The following ARHGAP15 variants were observed in gnomAD, a reference collection of about 807,000 sequenced individuals.
The protein encoded by ARHGAP15 is Rho GTPase activating protein 15.
A neutral mutation model predicts 63.7 loss-of-function variants in ARHGAP15; 51 were observed. The ratio of observed to expected loss-of-function variants is 0.80; its 90% CI spans 0.64 to 1.01. The LOEUF (loss-of-function observed/expected upper bound fraction) is 1.01. Among genes scored for constraint, ARHGAP15 ranks in the 50% least tolerant of loss-of-function variants. The pLI is 0.00. For synonymous variants in ARHGAP15, 191 were observed against 193.8 expected (o/e 0.99, Z 0.12); for missense variants, 560 against 564.6 (o/e 0.99, Z 0.08).
chr2:143,708,228 T>C (rs1263856227), intron 13 of ARHGAP15, among the ~76,000 whole-genome samples: 1 of 152,204 alleles, frequency 6.6e-6, no homozygotes, highest in Non-Finnish European at 1.5e-5. Flanking sequence ...TGAAGAGTCT[T>C]GCATAGTACT....
At chr2:143,690,430 G>A (rs1229909297) in intron 12 of ARHGAP15, among the ~76,000 whole-genome samples, 1 of 152,080 alleles carries the variant, frequency 6.6e-6, no homozygotes, top group Non-Finnish European at 1.5e-5. Flanking sequence ...TCTTCCTTGG[G>A]GTGTGACCTC....
intron 2 of ARHGAP15, among the ~76,000 whole-genome samples, chr2:143,192,947 G>C (rs1452253286): frequency 1.3e-5 from 2 of 152,176 alleles, no homozygotes; most frequent in Non-Finnish European, 2.9e-5. Context: ...TCTTCTGACA[G>C]ACTCCAGGTG....
rs1308466584 is a variant in ARHGAP15 at position 143,624,132 on chromosome 2, G to C, written c.1004-1G>C. On this transcript the variant is annotated splice_acceptor_variant, in intron 11 of 13. Transcript: ENST00000295095. LOFTEE classifies it high-confidence loss of function. ...TTCCATTTCTCCTCGTGTTTTCCCAGAAGAGAAGCTGAATTTGGACGACAG... is the reference window on the plus strand; with the variant it reads ...TTCCATTTCTCCTCGTGTTTTCCCACAAGAGAAGCTGAATTTGGACGACAG... 3 of 1,613,154 alleles carry C rather than the reference G, an allele frequency of 1.9e-6. No homozygotes were observed. The highest frequency in any genetic ancestry group is 2.5e-6 in the Non-Finnish European group (3 of 1,179,466).
intron 6 of ARHGAP15, among the ~76,000 whole-genome samples, chr2:143,289,637 G>T (rs1682289170): frequency 6.6e-6 from 1 of 152,138 alleles, no homozygotes; most frequent in Non-Finnish European, 1.5e-5. Flanking sequence ...CCCAGGAATT[G>T]CAATATGCAG....
intron 13 of ARHGAP15, among the ~76,000 whole-genome samples, chr2:143,718,932 C>T (rs988134184): frequency 2.6e-5 from 4 of 152,238 alleles, no homozygotes; most frequent in African/African-American, 9.6e-5. Flanking sequence ...CAATCTCATT[C>T]TTAATCCCCA....
intron 11 of ARHGAP15, among the ~76,000 whole-genome samples, chr2:143,617,833 C>T (rs1035219125): frequency 6.6e-6 from 1 of 152,184 alleles, no homozygotes; most frequent in Non-Finnish European, 1.5e-5. Context: ...ACTTTCTGAG[C>T]ACCTGATGAA....
chr2:143,758,268 A>T (rs1169642616), intron 13 of ARHGAP15, among the ~76,000 whole-genome samples: 1 of 151,420 alleles, frequency 6.6e-6, no homozygotes, highest in Non-Finnish European at 1.5e-5. Context: ...TTATTTATAT[A>T]CAAGTGTGTG....
intron 9 of ARHGAP15, among the ~76,000 whole-genome samples, chr2:143,500,091 AT>A (rs1444905879): frequency 6.6e-6 from 1 of 151,920 alleles, no homozygotes; most frequent in Non-Finnish European, 1.5e-5. Context: ...TCTGTTTATA[AT>A]ACAGCCCTTT....
rs1036053230 is a variant in ARHGAP15 at position 143,134,593 on chromosome 2, G to T, written c.-15+5127G>T. Among the ~76,000 whole-genome samples, 9 of 151,654 alleles carry T rather than the reference G, an allele frequency of 5.9e-5. 2 individuals are homozygous for T. Among genetic ancestry groups the T allele is most frequent in the Admixed American group, 3.3e-4 (5 of 15,248 alleles). ...GGAGTGAGATGTCAAAGGAAGCAAA[G>T]AACTAGAGATAGCATATATGAAATG... On this transcript the variant is annotated intron_variant, in intron 1 of 13. Transcript: ENST00000295095.
At chr2:143,479,190 A>G (rs1393733538) in intron 8 of ARHGAP15, among the ~76,000 whole-genome samples, 3 of 152,248 alleles carry the variant, frequency 2.0e-5, no homozygotes, top group African/African-American at 7.2e-5. Flanking sequence ...TCCATACATC[A>G]GTACTGAAAT....
At chr2:143,266,575 C>G (rs1681008919) in intron 6 of ARHGAP15, among the ~76,000 whole-genome samples, 1 of 152,106 alleles carries the variant, frequency 6.6e-6, no homozygotes, top group Non-Finnish European at 1.5e-5. Flanking sequence ...GTTCACTTAG[C>G]ATATTTAAGT....
intron 1 of ARHGAP15, among the ~76,000 whole-genome samples, chr2:143,145,478 A>C (rs1384526574): frequency 2.0e-5 from 3 of 152,062 alleles, no homozygotes; most frequent in Non-Finnish European, 2.9e-5. Flanking sequence ...ATTGAGCTAG[A>C]CCTGAACAAA....
At chr2:143,475,519 C>T (rs1389258345) in intron 8 of ARHGAP15, among the ~76,000 whole-genome samples, 4 of 152,352 alleles carry the variant, frequency 2.6e-5, no homozygotes, top group Non-Finnish European at 4.4e-5. Flanking sequence ...CTGACATTTC[C>T]GGATATTCGA....
chr2:143,542,736 A>C (rs769951560), intron 10 of ARHGAP15, among the ~76,000 whole-genome samples: 4 of 63,694 alleles, frequency 6.3e-5, no homozygotes, highest in Non-Finnish European at 1.1e-4. Context: ...CACATATATA[A>C]TATATATATG....
chr2:143,453,420 G>A (rs143464146), intron 8 of ARHGAP15, among the ~76,000 whole-genome samples: 1 of 152,056 alleles, frequency 6.6e-6, no homozygotes, highest in African/African-American at 2.4e-5. Flanking sequence ...TTGATTGGAA[G>A]CATAAATTAG....
intron 12 of ARHGAP15, among the ~76,000 whole-genome samples, chr2:143,639,859 T>C (rs1027833321): frequency 2.6e-5 from 4 of 152,116 alleles, no homozygotes; most frequent in African/African-American, 9.7e-5. Context: ...TTCAGTGGTA[T>C]TCCACTTTTT....
rs563540462 is a variant in ARHGAP15 at position 143,558,252 on chromosome 2, T to TCTTC, written c.1003+1769_1003+1772dup. Among the ~76,000 whole-genome samples the TCTTC allele has an allele frequency of 5.8e-3, 883 of 152,236 alleles. 5 individuals are homozygous for TCTTC. Among genetic ancestry groups the TCTTC allele is most frequent in the Middle Eastern group, 0.014 (4 of 294 alleles). On this transcript the variant is annotated intron_variant, in intron 11 of 13. Transcript: ENST00000295095. Reference sequence around the variant, plus strand: ...TGTTTTTTAATGTCTTTGCACATGCTCTTCCCTTTACTTTCAATATCCTCC... The same window carrying TCTTC: ...TGTTTTTTAATGTCTTTGCACATGCTCTTCCTTCCCTTTACTTTCAATATCCTCC...
At chr2:143,751,203 A>G (rs1686358664) in intron 13 of ARHGAP15, among the ~76,000 whole-genome samples, 1 of 152,238 alleles carries the variant, frequency 6.6e-6, no homozygotes, top group Non-Finnish European at 1.5e-5. Flanking sequence ...TGGGGCATCC[A>G]GGGCCCATCA....
chr2:143,358,312 A>T (rs970946216), intron 6 of ARHGAP15, among the ~76,000 whole-genome samples: 16 of 152,332 alleles, frequency 1.1e-4, no homozygotes, highest in African/African-American at 3.8e-4. Context: ...AAAACAGCTC[A>T]GAAATTTCAA....
Sources: allele counts gnomAD v4.1 joint callset (sites outside exome capture counted in the v4.1 genomes callset), GRCh38; gene constraint gnomAD v4.1.1; transcripts MANE v1.5; gene names NCBI Gene and HGNC (gene_info 2026-07-23, HGNC 2026-07-21).